Variants in STPG3 observed in about 807,000 individuals in gnomAD.
STPG3 encodes the protein sperm-tail PG-rich repeat containing 3, also known as protein STPG3.
Under a neutral mutation model 32.5 loss-of-function variants are expected in STPG3, and 39 were observed. That is an observed-to-expected ratio of 1.20 (90% CI 0.93 to 1.57). The LOEUF (loss-of-function observed/expected upper bound fraction) is 1.57, where lower values mean the gene tolerates loss of function less well. Ranked by LOEUF, STPG3 falls within the 40% of genes most tolerant of loss-of-function variation. The pLI, the probability that STPG3 is intolerant of heterozygous loss-of-function variation, is 0.00. For synonymous variants in STPG3, 209 were observed against 172.4 expected (o/e 1.21, Z -1.66); for missense variants, 507 against 407.6 (o/e 1.24, Z -2.10).
At position 137,252,059 on chromosome 9, in the gene STPG3, C is replaced by A; in HGVS notation, c.327C>A (p.Tyr109Ter). 6.2e-7 allele frequency: 1 copy of A among 1,613,128 alleles called. No individual in the cohort carries two copies. Among genetic ancestry groups the A allele is most frequent in the Non-Finnish European group, 8.5e-7 (1 of 1,179,762 alleles). The part of the protein sequence containing the change: ...ADLEVPSPTR[Y>*]QVPSPSVRES... ...TGGAAGTCCCCAGCCCCACCAGGTACCAGGTGCCGAGCCCGTCCGTACGAG... is the reference window on the plus strand; with the variant it reads ...TGGAAGTCCCCAGCCCCACCAGGTAACAGGTGCCGAGCCCGTCCGTACGAG... The change falls in exon 3 of 6, where the codon TAC becomes TAA. Residue 109 changes from tyrosine to a stop codon, truncating the protein, a stop_gained. Coordinates refer to ENST00000412566, the MANE Select transcript of STPG3 (RefSeq NM_001004353.4). LOFTEE classifies it high-confidence loss of function.
In STPG3 at chr9:137,253,128, C is replaced by T. The variant is rs1428205706; in HGVS notation, c.810C>T (p.Gly270=). 6.3e-7 allele frequency: 1 copy of T among 1,575,636 alleles called. No individual in the cohort carries two copies. ...CTCTTTCGGCAGCCCGAACCCCTGG[C>T]CCAGCCGCCTACCACGTGGAGGACT... The part of the protein sequence containing the change: ...TSWLSTSRTP[G]PAAYHVEDCN... The change falls in exon 6 of 6, where the codon GGC becomes GGT. Residue 270 remains glycine, a synonymous_variant. Transcript: ENST00000412566.
At chr9:137,252,596 AG>A (rs1311741011) in intron 4 of STPG3, 65 bp from the exon 5 acceptor site, 1 of 1,052,352 alleles carries the variant, frequency 9.5e-7, no homozygotes, top group Non-Finnish European at 1.3e-6. Flanking sequence ...GTGGGGCCAA[AG>A]GGGGGCTGGC....
Position 137,252,809 on chromosome 9 carries a change from C to A in STPG3, c.640C>A (p.Pro214Thr). The change falls in exon 5 of 6, where the codon CCC (proline) becomes ACC (threonine). Residue 214 changes from proline (P) to threonine (T), a missense_variant. Coordinates refer to ENST00000412566, the MANE Select transcript of STPG3 (RefSeq NM_001004353.4). Reference sequence around the variant, plus strand: ...TAGGGGGCTGGGCCTCAGGGTGCAGCCCCAGTCCCTGCTTCAGGCCTCTTT... The same window carrying A: ...TAGGGGGCTGGGCCTCAGGGTGCAGACCCAGTCCCTGCTTCAGGCCTCTTT... ...GARGLGLRVQ[P>T]QSLLQASLQA... The A allele has an allele frequency of 1.3e-6, 2 of 1,565,904 alleles. No homozygotes were observed. The highest frequency in any genetic ancestry group is 1.7e-6 in the Non-Finnish European group (2 of 1,155,892).
rs747119528 is a variant in STPG3 at position 137,252,032 on chromosome 9, C to T, written c.300C>T (p.Asp100=). The part of the protein sequence containing the change: ...LLEQRPLITA[D]LEVPSPTRYQ... ...AGCAACGCCCCCTGATCACAGCTGA[C>T]CTGGAAGTCCCCAGCCCCACCAGGT... The change falls in exon 3 of 6, where the codon GAC becomes GAT. Residue 100 remains aspartate (D), a synonymous_variant. Coordinates refer to ENST00000412566, the MANE Select transcript of STPG3 (RefSeq NM_001004353.4). 1.5e-5 allele frequency: 24 copies of T among 1,612,612 alleles called. No homozygotes were observed. Among genetic ancestry groups the T allele is most frequent in the Middle Eastern group, 1.6e-4 (1 of 6,082 alleles).
At position 137,251,915 on chromosome 9, in the gene STPG3, ACCC is replaced by A; in HGVS notation, c.268+22_268+24del. On this transcript the variant is annotated intron_variant, in intron 2 of 5. Coordinates refer to ENST00000412566, the MANE Select transcript of STPG3 (RefSeq NM_001004353.4). ...AACTATGTGAGTGAGGGTCCTGGCC[ACCC>A]CACCCCCAAGCTGGTCTTTGGGGGG... is the stretch of plus-strand genomic sequence containing the variant. 1.9e-6 allele frequency: 3 copies of A among 1,601,056 alleles called. No individual in the cohort carries two copies. Among genetic ancestry groups the A allele is most frequent in the Non-Finnish European group, 2.6e-6 (3 of 1,174,250 alleles).
At chr9:137,252,997 A>T in intron 5 of STPG3, 32 bp downstream of exon 5, 1 of 1,418,996 alleles carries the variant, frequency 7.0e-7, no homozygotes, top group African/African-American at 1.4e-5. Flanking sequence ...AGGGCTAGGG[A>T]TGGGGCATGG....
intron 1 of STPG3, 107 bp from the exon 2 acceptor site, chr9:137,251,631 T>G: frequency 7.4e-7 from 1 of 1,342,860 alleles, no homozygotes; most frequent in Non-Finnish European, 9.9e-7. Flanking sequence ...GTGGGGCACG[T>G]GGCTGGGAGC....
In STPG3 at chr9:137,252,718, C is replaced by T; in HGVS notation, c.549C>T (p.Ser183=). 6.4e-7 allele frequency: 1 copy of T among 1,554,214 alleles called. No individual in the cohort carries two copies. The highest frequency in any genetic ancestry group is 2.4e-5 in the East Asian group (1 of 41,154). Residue 183 remains serine, a synonymous_variant, in exon 5 of 6, where the codon AGC becomes AGT. Transcript: ENST00000412566. ...GCCGGCCCGCCTTCCCCGCCTTCAG[C>T]TTCAGAGGCTGCCACTCCGCTTCCA... ...LLSRPAFPAF[S]FRGCHSASKT...
In STPG3 at chr9:137,253,005, T is replaced by A. The variant is rs746241676; in HGVS notation, c.796+40T>A. On this transcript the variant is annotated intron_variant, in intron 5 of 5. Transcript: ENST00000412566. ...AGAGAAGAGGGCTAGGGATGGGGCATGGGTGGGCAATGTGAGGACAAGGGT... is the reference window on the plus strand; with the variant it reads ...AGAGAAGAGGGCTAGGGATGGGGCAAGGGTGGGCAATGTGAGGACAAGGGT... 27 of 1,530,560 alleles carry A rather than the reference T, an allele frequency of 1.8e-5. No homozygotes were observed. The East Asian group carries it at 5.7e-4, about 32-fold the overall frequency. The allele number at this position is 1,530,560 out of a possible 1,614,324, so 94.8% of individuals were successfully genotyped here. A position where few individuals can be genotyped will look rare whatever the true frequency, so the allele number is the denominator to read the frequency against.
rs1588878500 is a variant in STPG3 at position 137,252,070 on chromosome 9, GCCCGTCCGTACGAGAGTC to G, written c.340_357del (p.Pro114_Ser119del). ...AGCCCCACCAGGTACCAGGTGCCGAGCCCGTCCGTACGAGAGTCCTCCCCACACCCCCACTACAGCATC... is the reference window on the plus strand; with the variant it reads ...AGCCCCACCAGGTACCAGGTGCCGAGCTCCCCACACCCCCACTACAGCATC... On this transcript the variant is annotated inframe_deletion, in exon 3 of 6. Transcript: ENST00000412566. The G allele has an allele frequency of 6.2e-7, 1 of 1,613,060 alleles. No homozygotes were observed. The highest frequency in any genetic ancestry group is 8.5e-7 in the Non-Finnish European group (1 of 1,179,784).
chr9:137,253,346 GC>G lies in STPG3; in HGVS notation c.*103del, dbSNP rs1163300834. ...CCCTGGGACTTGGGGCCCCAGCCTG[GC>G]CTTCTGACCCTCTGGGCACCCCGAT... On this transcript the variant is annotated 3_prime_UTR_variant, in exon 6 of 6. Transcript: ENST00000412566. The G allele has an allele frequency of 6.5e-7, 1 of 1,544,940 alleles. No individual in the cohort carries two copies. Among genetic ancestry groups the G allele is most frequent in the East Asian group, 2.4e-5 (1 of 40,894 alleles).
Position 137,251,413 on chromosome 9 carries a change from G to A in STPG3, c.110+17G>A. On this transcript the variant is annotated intron_variant, in intron 1 of 5. Transcript: ENST00000412566. ...GCCCACCCAGTAACTGGCGGAGAGGGGGAGAAGGGGCGGGCCAGCTGGGAG... is the reference window on the plus strand; with the variant it reads ...GCCCACCCAGTAACTGGCGGAGAGGAGGAGAAGGGGCGGGCCAGCTGGGAG... 6.3e-7 allele frequency: 1 copy of A among 1,584,854 alleles called. No individual in the cohort carries two copies. Among genetic ancestry groups the A allele is most frequent in the African/African-American group, 1.3e-5 (1 of 74,532 alleles).
Position 137,253,075 on chromosome 9 carries a change from C to A in STPG3, c.797-40C>A, listed in dbSNP as rs760352601. On this transcript the variant is annotated intron_variant, in intron 5 of 5. Coordinates refer to ENST00000412566, the MANE Select transcript of STPG3 (RefSeq NM_001004353.4). The stretch of plus-strand genomic sequence containing the variant: ...ACTGGGAGCCAGGTTTGAGTTGGGG[C>A]TGCTACCTGGGTGGGGCTCCCAGCC... 5 of 1,541,682 alleles carry A rather than the reference C, an allele frequency of 3.2e-6. No homozygotes were observed. The Admixed American group carries it at 7.6e-5, about 23-fold the overall frequency.
Position 137,252,699 on chromosome 9 carries a change from C to T in STPG3, c.530C>T (p.Pro177Leu), listed in dbSNP as rs778884437. 8 of 1,550,910 alleles carry T rather than the reference C, an allele frequency of 5.2e-6. No individual in the cohort carries two copies. The highest frequency in any genetic ancestry group is 2.4e-5 in the East Asian group (1 of 40,978). Residue 177 changes from proline (P) to leucine (L), a missense_variant, in exon 5 of 6, where the codon CCC (proline) becomes CTC (leucine). Physicochemically the swap from Pro to Leu is moderately conservative, Grantham distance 98. Coordinates refer to ENST00000412566, the MANE Select transcript of STPG3 (RefSeq NM_001004353.4). ...GCCCACTACCAGCTGCTCAGCCGGC[C>T]CGCCTTCCCCGCCTTCAGCTTCAGA... ...SPAHYQLLSRPAFPAFSFRGC... is the reference protein window; with the variant it reads ...SPAHYQLLSRLAFPAFSFRGC...
chr9:137,253,423 C>T lies in STPG3; in HGVS notation c.*178C>T, dbSNP rs1211534373. ...CTATGGGCTGTGGACAAGGCTGGCCCAGCCTGGATCCCCCATCTGCCCATC... is the reference window on the plus strand; with the variant it reads ...CTATGGGCTGTGGACAAGGCTGGCCTAGCCTGGATCCCCCATCTGCCCATC... On this transcript the variant is annotated 3_prime_UTR_variant, in exon 6 of 6. Coordinates refer to ENST00000412566, the MANE Select transcript of STPG3 (RefSeq NM_001004353.4). 1.0e-5 allele frequency: 15 copies of T among 1,446,066 alleles called. No homozygotes were observed. The highest frequency in any genetic ancestry group is 2.5e-5 in the East Asian group (1 of 39,904). 89.6% of individuals were successfully genotyped at this position (1,446,066 alleles called of 1,614,324 possible). A position where few individuals can be genotyped will look rare whatever the true frequency, so the allele number is the denominator to read the frequency against.
chr9:137,253,184 T>C lies in STPG3; in HGVS notation c.866T>C (p.Val289Ala). ...TCACGCTTCCCTTCGGCGCCTGGCG[T>C]GGTCATCCAGGGTGTACGCAGACCC... ...CNSRFPSAPGVVIQGVRRPKR... is the reference protein window; with the variant it reads ...CNSRFPSAPGAVIQGVRRPKR... The change falls in exon 6 of 6, where the codon GTG becomes GCG. Residue 289 changes from valine to alanine, a missense_variant. Transcript: ENST00000412566. The C allele has an allele frequency of 6.2e-7, 1 of 1,606,626 alleles. No individual in the cohort carries two copies. The highest frequency in any genetic ancestry group is 8.5e-7 in the Non-Finnish European group (1 of 1,175,978).
Position 137,253,127 on chromosome 9 carries a change from GC to G in STPG3, c.812del (p.Pro271GlnfsTer75), listed in dbSNP as rs1564439030. 1 of 1,573,858 alleles carries G rather than the reference GC, an allele frequency of 6.4e-7. No individual in the cohort carries two copies. Among genetic ancestry groups the G allele is most frequent in the African/African-American group, 1.3e-5 (1 of 74,132 alleles). On this transcript the variant is annotated frameshift_variant, in exon 6 of 6. Coordinates refer to ENST00000412566, the MANE Select transcript of STPG3 (RefSeq NM_001004353.4). LOFTEE classifies it high-confidence loss of function. ...TCTCTTTCGGCAGCCCGAACCCCTGGCCCAGCCGCCTACCACGTGGAGGACT... is the reference window on the plus strand; with the variant it reads ...TCTCTTTCGGCAGCCCGAACCCCTGGCCAGCCGCCTACCACGTGGAGGACT... ...TSWLSTSRTP[G>X]PAAYHVEDCN...
intron 4 of STPG3, 35 bp downstream of exon 4, chr9:137,252,560 A>G (rs759662861): frequency 1.2e-5 from 11 of 905,546 alleles, no homozygotes; most frequent in Non-Finnish European, 1.8e-5. Context: ...CGGGGAGTCC[A>G]CGCAGGCAGG....
chr9:137,252,722 A>G lies in STPG3; in HGVS notation c.553A>G (p.Arg185Gly). Residue 185 changes from arginine to glycine, a missense_variant, in exon 5 of 6, where the codon AGA becomes GGA. Coordinates refer to ENST00000412566, the MANE Select transcript of STPG3 (RefSeq NM_001004353.4). ...GCCCGCCTTCCCCGCCTTCAGCTTC[A>G]GAGGCTGCCACTCCGCTTCCAAGAC... ...SRPAFPAFSF[R>G]GCHSASKTPE... The G allele has an allele frequency of 6.4e-7, 1 of 1,554,258 alleles. No individual in the cohort carries two copies. The highest frequency in any genetic ancestry group is 1.2e-5 in the South Asian group (1 of 84,386).
Sources: gnomAD v4.1 joint callset for allele counts on GRCh38, gnomAD v4.1.1 for gene constraint, MANE v1.5 for transcripts, NCBI Gene and HGNC (gene_info 2026-07-23, HGNC 2026-07-21) for gene names.